Variants in MUC17 observed in about 807,000 individuals in gnomAD.
MUC17 encodes the protein mucin 17, cell surface associated.
A neutral mutation model predicts 170.3 loss-of-function variants in MUC17; 190 were observed. The ratio of observed to expected loss-of-function variants is 1.12; its 90% confidence interval spans 0.99 to 1.26. MUC17 has a LOEUF of 1.26. Among genes scored for constraint, MUC17 ranks in the 50% most tolerant of loss-of-function variants. The pLI is 0.00. For synonymous variants in MUC17, 2,325 were observed against 2,002.5 expected (o/e 1.16, Z -4.30); for missense variants, 6,415 against 5,530.0 (o/e 1.16, Z -5.08).
At position 101,033,991 on chromosome 7, in the gene MUC17, A is replaced by C; in HGVS notation, c.2575A>C (p.Thr859Pro). Residue 859 changes from threonine to proline, a missense_variant, in exon 3 of 13, where the codon ACT becomes CCT. Coordinates refer to ENST00000306151, the MANE Select transcript of MUC17 (RefSeq NM_001040105.2). ...PAEGTSMPTSTYSEGRTPLTS... is the reference protein window; with the variant it reads ...PAEGTSMPTSPYSEGRTPLTS... The stretch of plus-strand genomic sequence containing the variant: ...TGAAGGTACCAGCATGCCAACCTCA[A>C]CTTATAGTGAAGGAAGAACTCCTTT... The C allele has an allele frequency of 6.2e-7, 1 of 1,600,832 alleles. No individual in the cohort carries two copies. Among genetic ancestry groups the C allele is most frequent in the South Asian group, 1.1e-5 (1 of 89,646 alleles).
chr7:101,051,508 C>A, intron 7 of MUC17, 105 bp from the exon 8 acceptor site: 1 of 1,101,870 alleles, frequency 9.1e-7, no homozygotes, highest in Non-Finnish European at 1.3e-6. Flanking sequence ...ATTCCCACCT[C>A]CCCATCGCAG....
chr7:101,038,540 C>G lies in MUC17; in HGVS notation c.7124C>G (p.Ala2375Gly). The change falls in exon 3 of 13, where the codon GCC becomes GGC. Residue 2375 changes from alanine (A) to glycine (G), a missense_variant. Physicochemically the swap from Ala to Gly is moderately conservative, Grantham distance 60. Coordinates refer to ENST00000306151, the MANE Select transcript of MUC17 (RefSeq NM_001040105.2). ...TSTPVTTYSQ[A>G]GSSPTTADDT... is the part of the protein sequence containing the mutation. The stretch of plus-strand genomic sequence containing the variant: ...ACACCTGTGACTACTTATTCTCAAG[C>G]CGGTTCATCTCCTACAACTGCTGAC... 2.5e-6 allele frequency: 4 copies of G among 1,614,052 alleles called. No individual in the cohort carries two copies. The highest frequency in any genetic ancestry group is 3.4e-6 in the Non-Finnish European group (4 of 1,179,926).
chr7:101,048,150 C>A (rs59742420), intron 4 of MUC17, 35 bp downstream of exon 4: 2 of 1,517,018 alleles, frequency 1.3e-6, no homozygotes, highest in Admixed American at 2.1e-5. Flanking sequence ...CCACCCCATG[C>A]CCTGGGACCC....
rs780801598 is a variant in MUC17 at position 101,041,227 on chromosome 7, A to T, written c.9811A>T (p.Met3271Leu). 6.2e-6 allele frequency: 10 copies of T among 1,613,130 alleles called. No individual in the cohort carries two copies. Among genetic ancestry groups the T allele is most frequent in the Admixed American group, 1.7e-5 (1 of 59,908 alleles). Residue 3271 changes from methionine (M) to leucine (L), a missense_variant, in exon 3 of 13, where the codon ATG becomes TTG. Physicochemically the swap from Met to Leu is conservative, Grantham distance 15 (BLOSUM62 2). Coordinates refer to ENST00000306151, the MANE Select transcript of MUC17 (RefSeq NM_001040105.2). ...SSPPTAEGTS[M>L]PTSTPSEGST... ...TCCTCCCACTGCTGAAGGTACCAGC[A>T]TGCCAACCTCAACTCCTAGTGAAGG...
At position 101,039,402 on chromosome 7, in the gene MUC17, A is replaced by G; in HGVS notation, c.7986A>G (p.Thr2662=). The change falls in exon 3 of 13, where the codon ACA becomes ACG. Residue 2662 remains threonine (T), a synonymous_variant. Coordinates refer to ENST00000306151, the MANE Select transcript of MUC17 (RefSeq NM_001040105.2). The part of the protein sequence containing the change: ...TLSTTPVDTR[T]LVTTSTGTSS... ...CAACAACTCCTGTTGACACCAGGACACTTGTGACCACTTCCACTGGAACCA... is the reference window on the plus strand; with the variant it reads ...CAACAACTCCTGTTGACACCAGGACGCTTGTGACCACTTCCACTGGAACCA... 1 of 1,611,920 alleles carries G rather than the reference A, an allele frequency of 6.2e-7. No individual in the cohort carries two copies. The highest frequency in any genetic ancestry group is 1.1e-5 in the South Asian group (1 of 90,922).
In MUC17 at chr7:101,032,672, A is replaced by G. The variant is rs974339971; in HGVS notation, c.1256A>G (p.Asp419Gly). The G allele has an allele frequency of 1.3e-6, 2 of 1,572,280 alleles. No individual in the cohort carries two copies. The highest frequency in any genetic ancestry group is 3.5e-5 in the Admixed American group (2 of 57,414). ...EASTTSTIPVDSKTFVTTASE... is the reference protein window; with the variant it reads ...EASTTSTIPVGSKTFVTTASE... ...AGCACCACTTCAACAATTCCTGTTGACTCCAAAACTTTTGTGACCACTGCT... is the reference window on the plus strand; with the variant it reads ...AGCACCACTTCAACAATTCCTGTTGGCTCCAAAACTTTTGTGACCACTGCT... Residue 419 changes from aspartate to glycine, a missense_variant, in exon 3 of 13, where the codon GAC becomes GGC. Transcript: ENST00000306151.
chr7:101,039,701 C>G lies in MUC17; in HGVS notation c.8285C>G (p.Pro2762Arg), dbSNP rs1199459513. 1.9e-6 allele frequency: 3 copies of G among 1,612,758 alleles called. No homozygotes were observed. Among genetic ancestry groups the G allele is most frequent in the Non-Finnish European group, 2.5e-6 (3 of 1,179,520 alleles). ...PLTSILVSTL[P>R]VASSEASTVS... ...ACAAGTATACTTGTCAGCACCCTGC[C>G]AGTGGCCAGTTCTGAGGCTAGCACC... Residue 2762 changes from proline (P) to arginine (R), a missense_variant, in exon 3 of 13, where the codon CCA becomes CGA. Coordinates refer to ENST00000306151, the MANE Select transcript of MUC17 (RefSeq NM_001040105.2).
Position 101,038,346 on chromosome 7 carries a change from C to G in MUC17, c.6930C>G (p.Phe2310Leu), listed in dbSNP as rs11979768. 5.9e-4 allele frequency: 951 copies of G among 1,612,918 alleles called. 9 individuals are homozygous for G. In the African/African-American group the frequency reaches 0.01, roughly 18 times the overall value. ...STTPVDSNTP[F>L]TTSTEASSPP... ...CTCCTGTTGACTCCAACACTCCTTT[C>G]ACTACTTCTACTGAAGCCAGTTCAC... Residue 2310 changes from phenylalanine (F) to leucine (L), a missense_variant, in exon 3 of 13, where the codon TTC becomes TTG. Coordinates refer to ENST00000306151, the MANE Select transcript of MUC17 (RefSeq NM_001040105.2).
rs779082738 is a variant in MUC17, at chr7:101,036,527, G to A, written c.5111G>A (p.Ser1704Asn). The change falls in exon 3 of 13, where the codon AGC (serine) becomes AAC (asparagine). Residue 1704 changes from serine (S) to asparagine (N), a missense_variant. Coordinates refer to ENST00000306151, the MANE Select transcript of MUC17 (RefSeq NM_001040105.2). The stretch of plus-strand genomic sequence containing the variant: ...ACTGTCAGAACAACACCGGTGGCCA[G>A]CTCTGCAATCAGCACCCTTTCAACA... ...SITVRTTPVA[S>N]SAISTLSTTP... is the part of the protein sequence containing the mutation. 1.9e-6 allele frequency: 3 copies of A among 1,610,510 alleles called. No homozygotes were observed. Among genetic ancestry groups the A allele is most frequent in the South Asian group, 2.2e-5 (2 of 90,740 alleles).
chr7:101,041,526 T>A lies in MUC17; in HGVS notation c.10110T>A (p.Pro3370=). 6.2e-7 allele frequency: 1 copy of A among 1,613,254 alleles called. No homozygotes were observed. Among genetic ancestry groups the A allele is most frequent in the Non-Finnish European group, 8.5e-7 (1 of 1,179,830 alleles). ...LSTTPVDTST[P]VTTSTEASLS... is the part of the protein sequence containing the mutation. ...CAACTCCTGTTGACACCAGCACACCTGTCACCACTTCTACTGAAGCCAGTT... is the reference window on the plus strand; with the variant it reads ...CAACTCCTGTTGACACCAGCACACCAGTCACCACTTCTACTGAAGCCAGTT... The change falls in exon 3 of 13, where the codon CCT becomes CCA. Residue 3370 remains proline (P), a synonymous_variant. Transcript: ENST00000306151.
rs768264585 is a variant in MUC17, at chr7:101,042,949, C to A, written c.11533C>A (p.Pro3845Thr). The change falls in exon 3 of 13, where the codon CCT becomes ACT. Residue 3845 changes from proline (P) to threonine (T), a missense_variant. Coordinates refer to ENST00000306151, the MANE Select transcript of MUC17 (RefSeq NM_001040105.2). ...AACACCTCCTGGTGATACCAGCACACCTTTGCTCACCTCTACCAAAGCCGG... is the reference window on the plus strand; with the variant it reads ...AACACCTCCTGGTGATACCAGCACAACTTTGCTCACCTCTACCAAAGCCGG... ...LSTPPGDTST[P>T]LLTSTKAGSF... 5 of 1,614,164 alleles carry A rather than the reference C, an allele frequency of 3.1e-6. No individual in the cohort carries two copies. In the Admixed American group the frequency reaches 8.3e-5, roughly 27 times the overall value.
Position 101,042,012 on chromosome 7 carries a change from T to G in MUC17, c.10596T>G (p.Ser3532=). 6.2e-7 allele frequency: 1 copy of G among 1,613,940 alleles called. No homozygotes were observed. The highest frequency in any genetic ancestry group is 8.5e-7 in the Non-Finnish European group (1 of 1,179,890). ...MPVSTTPVAS[S]EASTLSTTPV... is the part of the protein sequence containing the mutation. ...TCAGCACCACACCGGTGGCCAGTTC[T>G]GAGGCTAGCACCCTTTCAACAACTC... is the stretch of plus-strand genomic sequence containing the variant. Residue 3532 remains serine (S), a synonymous_variant, in exon 3 of 13, where the codon TCT becomes TCG. Transcript: ENST00000306151.
At chr7:101,022,072 G>C (rs986228688) in intron 1 of MUC17, among the ~76,000 whole-genome samples, 3 of 152,062 alleles carry the variant, frequency 2.0e-5, no homozygotes, top group Non-Finnish European at 4.4e-5. Flanking sequence ...TCCATGGCAG[G>C]TATCCCTTTG....
Position 101,039,403 on chromosome 7 carries a change from C to CTTGTGACCA in MUC17, c.7988_7996dup (p.Thr2665_Thr2666insIleValThr), listed in dbSNP as rs765096206. The CTTGTGACCA allele has an allele frequency of 1.2e-5, 20 of 1,611,960 alleles. No individual in the cohort carries two copies. The highest frequency in any genetic ancestry group is 5.4e-5 in the African/African-American group (4 of 74,538). On this transcript the variant is annotated inframe_insertion, in exon 3 of 13. Coordinates refer to ENST00000306151, the MANE Select transcript of MUC17 (RefSeq NM_001040105.2). ...AACAACTCCTGTTGACACCAGGACA[C>CTTGTGACCA]TTGTGACCACTTCCACTGGAACCAG...
chr7:101,035,002 G>A lies in MUC17; in HGVS notation c.3586G>A (p.Glu1196Lys), dbSNP rs766331773. Residue 1196 changes from glutamate to lysine, a missense_variant, in exon 3 of 13, where the codon GAA becomes AAA. Coordinates refer to ENST00000306151, the MANE Select transcript of MUC17 (RefSeq NM_001040105.2). ...DSKTQVATST[E>K]ASSPPPTAEV... is the part of the protein sequence containing the mutation. Reference sequence around the variant, plus strand: ...CAAAACTCAGGTGGCCACTTCTACTGAAGCCAGTTCACCTCCTCCAACTGC... The same window carrying A: ...CAAAACTCAGGTGGCCACTTCTACTAAAGCCAGTTCACCTCCTCCAACTGC... The A allele has an allele frequency of 1.2e-6, 2 of 1,613,004 alleles. No homozygotes were observed. Among genetic ancestry groups the A allele is most frequent in the African/African-American group, 1.3e-5 (1 of 74,636 alleles).
Position 101,051,723 on chromosome 7 carries a change from TG to T in MUC17, c.12943+46del, listed in dbSNP as rs750474878. The stretch of plus-strand genomic sequence containing the variant: ...GGGGTTTGGGGGAAGGCTGGAGAGG[TG>T]GGGAGCCCAGGAGGAGTGGGACAGT... On this transcript the variant is annotated intron_variant, in intron 8 of 12. Transcript: ENST00000306151. 32 of 1,606,810 alleles carry T rather than the reference TG, an allele frequency of 2.0e-5. No homozygotes were observed. The African/African-American group carries it at 3.2e-4, about 16-fold the overall frequency.
rs753827646 is a variant in MUC17 at position 101,039,516 on chromosome 7, C to A, written c.8100C>A (p.Ser2700Arg). The part of the protein sequence containing the change: ...RSTPLTNILV[S>R]TTLLANSEAS... ...CTCCATTAACAAATATACTTGTCAG[C>A]ACCACGCTGTTGGCCAATTCTGAGG... The change falls in exon 3 of 13, where the codon AGC (serine) becomes AGA (arginine). Residue 2700 changes from serine to arginine, a missense_variant. Coordinates refer to ENST00000306151, the MANE Select transcript of MUC17 (RefSeq NM_001040105.2). 6.2e-7 allele frequency: 1 copy of A among 1,611,734 alleles called. No individual in the cohort carries two copies. The highest frequency in any genetic ancestry group is 1.3e-5 in the African/African-American group (1 of 74,642).
chr7:101,058,446 G>A lies in MUC17; in HGVS notation c.*402G>A, dbSNP rs1189680414. The A allele has an allele frequency of 1.3e-5, 2 of 156,812 alleles. No individual in the cohort carries two copies. The highest frequency in any genetic ancestry group is 2.0e-4 in the South Asian group (1 of 5,032). 9.7% of individuals were successfully genotyped at this position (156,812 alleles called of 1,614,324 possible). A position where few individuals can be genotyped will look rare whatever the true frequency, so the allele number is the denominator to read the frequency against. On this transcript the variant is annotated 3_prime_UTR_variant, in exon 13 of 13. Transcript: ENST00000306151. ...TAAAGCTGCATGCTCAGTTGAAGAG[G>A]ACGAGAGGACGACCTTCTCTGATAG...
rs754082289 is a variant in MUC17, at chr7:101,042,605, A to C, written c.11189A>C (p.Glu3730Ala). ...AGCACACCTGTGACCACTTCTACTGAAGCCATTTCATCTTCTGCAACTCTT... is the reference window on the plus strand; with the variant it reads ...AGCACACCTGTGACCACTTCTACTGCAGCCATTTCATCTTCTGCAACTCTT... ...VTSTPVTTST[E>A]AISSSATLDS... The change falls in exon 3 of 13, where the codon GAA (glutamate) becomes GCA (alanine). Residue 3730 changes from glutamate to alanine, a missense_variant. By Grantham distance (107) the Glu-to-Ala change is moderately radical (BLOSUM62 -1). Coordinates refer to ENST00000306151, the MANE Select transcript of MUC17 (RefSeq NM_001040105.2). 1.2e-6 allele frequency: 2 copies of C among 1,614,004 alleles called. No homozygotes were observed. The highest frequency in any genetic ancestry group is 1.7e-6 in the Non-Finnish European group (2 of 1,180,038).
Sources: gnomAD v4.1 joint callset for allele counts (sites outside exome capture counted in the v4.1 genomes callset) on GRCh38, gnomAD v4.1.1 for gene constraint, MANE v1.5 for transcripts, NCBI Gene and HGNC (gene_info 2026-07-23, HGNC 2026-07-21) for gene names.